CAMK2D: variants seen among roughly 807,000 people sequenced by gnomAD.
CAMK2D encodes the protein calcium/calmodulin dependent protein kinase II delta.
Under a neutral mutation model 84.0 loss-of-function variants are expected in CAMK2D, and 37 were observed. That is an observed-to-expected ratio of 0.44 (90% confidence interval 0.34 to 0.58). The LOEUF (loss-of-function observed/expected upper bound fraction) is 0.58. CAMK2D is among the 20% of genes least tolerant of loss of function. The pLI is 0.02. For synonymous variants in CAMK2D, 202 were observed against 212.5 expected (o/e 0.95, Z 0.43); for missense variants, 448 against 652.5 (o/e 0.69, Z 3.41).
intron 18 of CAMK2D, among the ~76,000 whole-genome samples, chr4:113,457,919 A>G (rs2097324367): frequency 6.6e-6 from 1 of 152,220 alleles, no homozygotes; most frequent in Admixed American, 6.5e-5. Context: ...CAGGTGTGCC[A>G]AGCACTGCCC....
At chr4:113,673,509 C>T (rs1383371722) in intron 2 of CAMK2D, among the ~76,000 whole-genome samples, 1 of 152,232 alleles carries the variant, frequency 6.6e-6, no homozygotes, top group Non-Finnish European at 1.5e-5. Flanking sequence ...CAGCTAAAAA[C>T]ATCCAGCCAG....
chr4:113,742,674 A>G (rs756026028), intron 2 of CAMK2D, among the ~76,000 whole-genome samples: 1 of 152,164 alleles, frequency 6.6e-6, no homozygotes, highest in Non-Finnish European at 1.5e-5. Flanking sequence ...AGGAATACCA[A>G]TGCTTTTGGG....
rs540568898 is a variant in CAMK2D at position 113,693,257 on chromosome 4, A to G, written c.161-31485T>C. On this transcript the variant is annotated intron_variant, in intron 2 of 20. Transcript: ENST00000511664. ...AGAACCAACATTTGTACAGTTTATG[A>G]GCCCCAAAGCTCCCATAAAAAATTC... Among the ~76,000 whole-genome samples, 11 of 152,314 alleles carry G rather than the reference A, an allele frequency of 7.2e-5. No homozygotes were observed. The East Asian group carries it at 2.1e-3, about 29-fold the overall frequency.
chr4:113,475,481 T>A (rs2097597089), intron 16 of CAMK2D, among the ~76,000 whole-genome samples: 1 of 152,250 alleles, frequency 6.6e-6, no homozygotes, highest in South Asian at 2.1e-4. Flanking sequence ...CTCCAAGTGA[T>A]CTTTTTAAAG....
chr4:113,471,318 T>A (rs1047624366), intron 16 of CAMK2D, among the ~76,000 whole-genome samples: 3 of 152,164 alleles, frequency 2.0e-5, no homozygotes, highest in African/African-American at 7.2e-5. Flanking sequence ...CTCTTGGCAA[T>A]CTCATTCACT....
At chr4:113,719,010 T>G (rs544082919) in intron 2 of CAMK2D, among the ~76,000 whole-genome samples, 1 of 152,268 alleles carries the variant, frequency 6.6e-6, no homozygotes, top group South Asian at 2.1e-4. Flanking sequence ...TTTAACAATA[T>G]GCTAACATCT....
intron 2 of CAMK2D, among the ~76,000 whole-genome samples, chr4:113,733,955 T>A (rs749934024): frequency 2.0e-5 from 3 of 152,208 alleles, no homozygotes; most frequent in Non-Finnish European, 4.4e-5. Flanking sequence ...CAGGTTTCCA[T>A]TCTGCTTTTA....
rs113732855 is a variant in CAMK2D, at chr4:113,480,914, G to C, written c.1136-15310C>G. ...CTGCCATGTGAAGACACAGCAAGAG[G>C]TGCCATTTTTAAAGCAGAGAGCAAG... On this transcript the variant is annotated intron_variant, in intron 16 of 20. Transcript: ENST00000511664. 2.2e-3 allele frequency among the ~76,000 whole-genome samples: 336 copies of C among 152,234 alleles called. 1 individual carries two copies. The highest frequency in any genetic ancestry group is 3.6e-3 in the Non-Finnish European group (244 of 68,014).
In CAMK2D at chr4:113,513,815, T is replaced by G; in HGVS notation, c.903+15A>C. The G allele has an allele frequency of 1.6e-6, 2 of 1,286,788 alleles. No homozygotes were observed. Among genetic ancestry groups the G allele is most frequent in the Non-Finnish European group, 2.2e-6 (2 of 890,196 alleles). The allele number at this position is 1,286,788 out of a possible 1,614,324, so 79.7% of individuals were successfully genotyped here. On this transcript the variant is annotated intron_variant, in intron 11 of 20. Coordinates refer to ENST00000511664, the MANE Select transcript of CAMK2D (RefSeq NM_001321571.2). ...TGTCAAATCTACCTCCCCATAAAAA[T>G]GTAAAATTTCTTACCTTTAGTTTTC... is the stretch of plus-strand genomic sequence containing the variant.
At position 113,462,288 on chromosome 4, in the gene CAMK2D, GTGTGTGTCTGTCTGTCTGTC is replaced by G. The variant is rs1589692300; in HGVS notation, c.1212-2067_1212-2048del. Among the ~76,000 whole-genome samples, 5 of 84,224 alleles carry G rather than the reference GTGTGTGTCTGTCTGTCTGTC, an allele frequency of 5.9e-5. No homozygotes were observed. The South Asian group carries it at 2.4e-3, about 41-fold the overall frequency. The allele number at this position is 84,224 out of a possible 152,430, so 55.3% of individuals were successfully genotyped here. A position where few individuals can be genotyped will look rare whatever the true frequency, so the allele number is the denominator to read the frequency against. ...GAAATGTGTGTGTGTGTGTGTGTGTGTGTGTGTCTGTCTGTCTGTCTGTCTGTCTGTCTGTCTGTCTGTCT... is the reference window on the plus strand; with the variant it reads ...GAAATGTGTGTGTGTGTGTGTGTGTGTGTCTGTCTGTCTGTCTGTCTGTCT... On this transcript the variant is annotated intron_variant, in intron 17 of 20. Transcript: ENST00000511664.
intron 16 of CAMK2D, among the ~76,000 whole-genome samples, chr4:113,470,039 T>C (rs973060417): frequency 3.3e-5 from 5 of 152,130 alleles, no homozygotes; most frequent in Admixed American, 3.3e-4. Context: ...TTTAAATGCC[T>C]ATCTCTTCAG....
chr4:113,728,204 C>T (rs559233778), intron 2 of CAMK2D, among the ~76,000 whole-genome samples: 8 of 152,298 alleles, frequency 5.3e-5, no homozygotes, highest in African/African-American at 1.7e-4. Flanking sequence ...TACATATATG[C>T]TCATAGCTGG....
At chr4:113,571,037 T>C (rs979756118) in intron 4 of CAMK2D, among the ~76,000 whole-genome samples, 7 of 152,158 alleles carry the variant, frequency 4.6e-5, no homozygotes, top group Non-Finnish European at 8.8e-5. Flanking sequence ...AACAGGTGTA[T>C]GAAAAAATGT....
At chr4:113,545,981 T>C (rs185981411) in intron 6 of CAMK2D, among the ~76,000 whole-genome samples, 7 of 152,336 alleles carry the variant, frequency 4.6e-5, no homozygotes, top group Admixed American at 1.3e-4. Context: ...CATGTCCTAT[T>C]AAAGTTCCAG....
chr4:113,598,801 G>C (rs1001311375), intron 4 of CAMK2D, among the ~76,000 whole-genome samples: 5 of 152,058 alleles, frequency 3.3e-5, no homozygotes, highest in Non-Finnish European at 5.9e-5. Context: ...TCAAGTAGCT[G>C]GGATTACAAG....
intron 2 of CAMK2D, among the ~76,000 whole-genome samples, chr4:113,718,636 G>A (rs908547306): frequency 1.3e-5 from 2 of 152,178 alleles, no homozygotes; most frequent in African/African-American, 4.8e-5. Context: ...TCCCCAGGCA[G>A]GGAAGGGTTT....
chr4:113,695,953 C>G (rs2099401358), intron 2 of CAMK2D, among the ~76,000 whole-genome samples: 1 of 152,030 alleles, frequency 6.6e-6, no homozygotes, highest in African/African-American at 2.4e-5. Context: ...TCCTCTGACT[C>G]ACTGCTCCAA....
intron 4 of CAMK2D, among the ~76,000 whole-genome samples, chr4:113,566,985 G>C (rs986198842): frequency 1.8e-4 from 28 of 151,912 alleles, no homozygotes; most frequent in African/African-American, 6.8e-4. Flanking sequence ...TCCAGGACTT[G>C]GCAGAGTATA....
intron 3 of CAMK2D, among the ~76,000 whole-genome samples, chr4:113,623,571 C>T (rs2099055682): frequency 6.6e-6 from 1 of 152,098 alleles, no homozygotes; most frequent in South Asian, 2.1e-4. Flanking sequence ...TTCTCCTAGG[C>T]CACAAACCTG....
Sources: allele counts gnomAD v4.1 joint callset (sites outside exome capture counted in the v4.1 genomes callset), GRCh38; gene constraint gnomAD v4.1.1; transcripts MANE v1.5; gene names NCBI Gene and HGNC (gene_info 2026-07-23, HGNC 2026-07-21).